Variants in SLC16A7 observed in about 807,000 individuals in gnomAD.
SLC16A7 encodes the protein monocarboxylate transporter 2.
A neutral mutation model predicts 34.9 loss-of-function variants in SLC16A7; 33 were observed. The ratio of observed to expected loss-of-function variants is 0.94; its 90% confidence interval spans 0.72 to 1.26. SLC16A7 has a LOEUF of 1.26. Among genes scored for constraint, SLC16A7 ranks in the 50% most tolerant of loss-of-function variants. The pLI, the probability that SLC16A7 is intolerant of heterozygous loss-of-function variation, is 0.00. For missense variants in SLC16A7, 573 were observed against 578.1 expected, an observed-to-expected ratio of 0.99 and a Z score of 0.09; for synonymous variants, 201 against 206.6, an observed-to-expected ratio of 0.97 and a Z score of 0.23.
intron 2 of SLC16A7, among the ~76,000 whole-genome samples, chr12:59,704,097 G>A (rs889541925): frequency 6.0e-5 from 9 of 149,192 alleles, no homozygotes; most frequent in African/African-American, 2.0e-4. Context: ...AGTTACTAGG[G>A]TCTGAGGCAG....
At chr12:59,776,805 G>T (rs939501681) in intron 5 of SLC16A7, among the ~76,000 whole-genome samples, 1 of 151,878 alleles carries the variant, frequency 6.6e-6, no homozygotes, top group African/African-American at 2.4e-5. Context: ...GTTTTAGGTG[G>T]TATATCTCTC....
At chr12:59,668,761 T>C (rs1439054352) in intron 2 of SLC16A7, among the ~76,000 whole-genome samples, 3 of 152,192 alleles carry the variant, frequency 2.0e-5, no homozygotes, top group Non-Finnish European at 4.4e-5. Context: ...TGAAATGATA[T>C]AGTTAGCCTT....
intron 1 of SLC16A7, among the ~76,000 whole-genome samples, chr12:59,604,691 C>T (rs1159211949): frequency 6.6e-6 from 1 of 152,120 alleles, no homozygotes; most frequent in African/African-American, 2.4e-5. Context: ...GAGTAGAGCA[C>T]AGAGGTGAAG....
chr12:59,701,188 C>T (rs1320534735), intron 2 of SLC16A7, among the ~76,000 whole-genome samples: 4 of 150,956 alleles, frequency 2.6e-5, no homozygotes, highest in East Asian at 1.9e-4. Context: ...TTGTCTAGTA[C>T]GTATTAGTCA....
At chr12:59,736,090 C>A in intron 3 of SLC16A7, 1 of 204,350 alleles carries the variant, frequency 4.9e-6, no homozygotes, top group Non-Finnish European at 1.0e-5. Context: ...GATTTATTCC[C>A]ATATCTGAGA....
At chr12:59,727,177 A>ATATATAAAATATATATC (rs1876385314) in intron 3 of SLC16A7, among the ~76,000 whole-genome samples, 1 of 149,278 alleles carries the variant, frequency 6.7e-6, no homozygotes, top group African/African-American at 2.5e-5. Context: ...TATAATATAT[A>ATATATAAAATATATATC]TATGTTGTAT....
chr12:59,646,768 A>G (rs1020640237), intron 1 of SLC16A7, among the ~76,000 whole-genome samples: 1 of 152,190 alleles, frequency 6.6e-6, no homozygotes, highest in African/African-American at 2.4e-5. Context: ...GGGGGGCTGT[A>G]CCATGCAAAG....
intron 1 of SLC16A7, among the ~76,000 whole-genome samples, chr12:59,610,232 A>T (rs1005445465): frequency 6.6e-6 from 1 of 152,208 alleles, no homozygotes; most frequent in African/African-American, 2.4e-5. Flanking sequence ...AAAAATCATC[A>T]TATTTTTAAA....
At chr12:59,647,568 A>G (rs1034957646) in intron 1 of SLC16A7, among the ~76,000 whole-genome samples, 3 of 152,092 alleles carry the variant, frequency 2.0e-5, no homozygotes, top group Admixed American at 1.3e-4. Context: ...AATACACTGT[A>G]AGTTTCATGA....
At chr12:59,602,893 C>T (rs569236501) in intron 1 of SLC16A7, among the ~76,000 whole-genome samples, 1 of 152,212 alleles carries the variant, frequency 6.6e-6, no homozygotes, top group South Asian at 2.1e-4. Flanking sequence ...TAGTCCTGAC[C>T]TTCCCTCAAC....
At chr12:59,740,712 G>T (rs1021037737) in intron 3 of SLC16A7, among the ~76,000 whole-genome samples, 4 of 152,122 alleles carry the variant, frequency 2.6e-5, no homozygotes, top group Admixed American at 2.6e-4. Context: ...TCTGGCCAGG[G>T]CAATCAGGCA....
intron 2 of SLC16A7, among the ~76,000 whole-genome samples, chr12:59,666,552 G>A (rs1239922277): frequency 2.0e-5 from 3 of 152,118 alleles, no homozygotes; most frequent in African/African-American, 7.2e-5. Context: ...TGAATCATGA[G>A]GGTGAGTTTT....
At chr12:59,778,974 G>A (rs1041286787) in intron 5 of SLC16A7, among the ~76,000 whole-genome samples, 6 of 152,048 alleles carry the variant, frequency 3.9e-5, no homozygotes, top group African/African-American at 1.4e-4. Context: ...ACACTGTTAG[G>A]AACCATGTAA....
chr12:59,633,572 A>G (rs1880282399), intron 1 of SLC16A7, among the ~76,000 whole-genome samples: 1 of 151,966 alleles, frequency 6.6e-6, no homozygotes, highest in Non-Finnish European at 1.5e-5. Flanking sequence ...TAAATCATTC[A>G]GCTTCATAGC....
intron 2 of SLC16A7, among the ~76,000 whole-genome samples, chr12:59,671,769 A>T (rs2137049125): frequency 7.0e-6 from 1 of 143,612 alleles, no homozygotes; most frequent in African/African-American, 2.5e-5. Flanking sequence ...ATATGTATAT[A>T]TGTGTATATA....
intron 2 of SLC16A7, among the ~76,000 whole-genome samples, chr12:59,666,838 G>T (rs112726241): frequency 0.071 from 10,843 of 152,216 alleles, 430 homozygotes; most frequent in Middle Eastern, 0.16. Flanking sequence ...GTGGGGTGCT[G>T]CTGTAAAGAT....
At chr12:59,728,523 C>A (rs746267017) in intron 3 of SLC16A7, among the ~76,000 whole-genome samples, 2 of 152,160 alleles carry the variant, frequency 1.3e-5, no homozygotes, top group Non-Finnish European at 2.9e-5. Context: ...AAGAACCTAT[C>A]GTCATCCAGG....
At chr12:59,635,352 T>A (rs565975917) in intron 1 of SLC16A7, among the ~76,000 whole-genome samples, 1 of 152,182 alleles carries the variant, frequency 6.6e-6, no homozygotes, top group South Asian at 2.1e-4. Flanking sequence ...ATTTCCTCAA[T>A]TCTCTTTCCA....
intron 1 of SLC16A7, among the ~76,000 whole-genome samples, chr12:59,600,500 C>G (rs1878632474): frequency 6.6e-6 from 1 of 151,062 alleles, no homozygotes; most frequent in Non-Finnish European, 1.5e-5. Context: ...GCTTCATTTT[C>G]TCAGTTGCTG....
Sources: gnomAD v4.1 joint callset for allele counts (sites outside exome capture counted in the v4.1 genomes callset) on GRCh38, gnomAD v4.1.1 for gene constraint, MANE v1.5 for transcripts, NCBI Gene and HGNC (gene_info 2026-07-23, HGNC 2026-07-21) for gene names.